ATG4A: variants seen among roughly 807,000 people sequenced by gnomAD.
ATG4A encodes the protein cysteine protease ATG4A.
In ATG4A, 22 loss-of-function variants were observed where a neutral mutation model predicts 38.4. The observed-to-expected ratio is 0.57, with a 90% confidence interval of 0.41 to 0.82. ATG4A has a LOEUF of 0.82. ATG4A is among the 40% of genes least tolerant of loss of function. The pLI is 0.00. For synonymous variants in ATG4A, 86 were observed against 100.7 expected, an observed-to-expected ratio of 0.85 and a Z score of 0.88; for missense variants, 220 against 290.0, an observed-to-expected ratio of 0.76 and a Z score of 1.75.
intron 1 of ATG4A, among the ~76,000 whole-genome samples, chrX:108,115,926 G>A (rs1324920791): frequency 8.9e-6 from 1 of 112,314 alleles, no homozygotes; most frequent in Non-Finnish European, 1.9e-5. Context: ...CATATTCCCT[G>A]TCAGACATTA....
rs745864237 is a variant in ATG4A, at chrX:108,137,816, G to A, written c.560G>A (p.Arg187His). Reference sequence around the variant, plus strand: ...CTTCCATTTCTAGAAAAAATGTGCCGTGTCCTTCCCTTGAGTGCTGACACA... The same window carrying A: ...CTTCCATTTCTAGAAAAAATGTGCCATGTCCTTCCCTTGAGTGCTGACACA... ...VVIEDIKKMC[R>H]VLPLSADTAG... The change falls in exon 8 of 13, where the codon CGT (arginine) becomes CAT (histidine). Residue 187 changes from arginine (R) to histidine (H), a missense_variant. Physicochemically the swap from Arg to His is conservative, Grantham distance 29 (BLOSUM62 0). Transcript: ENST00000372232. 145 of 1,158,380 alleles carry A rather than the reference G, an allele frequency of 1.3e-4. No individual in the cohort carries two copies. The highest frequency in any genetic ancestry group is 1.6e-4 in the Non-Finnish European group (136 of 872,862).
Position 108,126,082 on chromosome X carries a change from T to A in ATG4A, c.16T>A (p.Ser6Thr). 1 of 1,173,585 alleles carries A rather than the reference T, an allele frequency of 8.5e-7. No individual in the cohort carries two copies. Among genetic ancestry groups the A allele is most frequent in the Non-Finnish European group, 1.2e-6 (1 of 864,572 alleles). MESVL[S>T]KYEDQITIFT... ...TTTCTTTCCTTTTCTTTCAGTTTTA[T>A]CCAAGTATGAAGATCAGATTACTAT... Residue 6 changes from serine to threonine, a missense_variant, in exon 2 of 13, where the codon TCC becomes ACC. Ser to Thr is a moderately conservative substitution (Grantham distance 58). Around this residue, in one of 3 missense-constraint regions of ATG4A, gnomAD observed 61 missense variants for 83.3 expected, o/e 0.73. Coordinates refer to ENST00000372232, the MANE Select transcript of ATG4A (RefSeq NM_052936.5).
At chrX:108,106,310 C>G (rs763569000) in intron 1 of ATG4A, among the ~76,000 whole-genome samples, 2 of 111,337 alleles carry the variant, frequency 1.8e-5, no homozygotes, top group East Asian at 5.6e-4. Context: ...AACCTTACTT[C>G]CCTTTAAGTC....
intron 1 of ATG4A, among the ~76,000 whole-genome samples, chrX:108,114,989 T>TA (rs917796654): frequency 8.9e-6 from 1 of 111,747 alleles, no homozygotes; most frequent in Non-Finnish European, 1.9e-5. Flanking sequence ...AGCAAGTCTG[T>TA]AAATATAGGT....
intron 2 of ATG4A, among the ~76,000 whole-genome samples, chrX:108,127,294 C>T (rs2032825798): frequency 8.9e-6 from 1 of 111,966 alleles, no homozygotes. Flanking sequence ...ACTTTCCCAG[C>T]GTAAAGCCAC....
intron 9 of ATG4A, among the ~76,000 whole-genome samples, chrX:108,147,364 A>G (rs1334209561): frequency 2.7e-5 from 3 of 111,581 alleles, no homozygotes; most frequent in African/African-American, 9.8e-5. Flanking sequence ...CAGTGTCCCC[A>G]GCTTCATCAG....
chrX:108,101,119 A>G (rs2031998347), intron 1 of ATG4A, among the ~76,000 whole-genome samples: 1 of 110,615 alleles, frequency 9.0e-6, no homozygotes, highest in Non-Finnish European at 1.9e-5. Context: ...TCTAATTTCT[A>G]TTGAGTTGTG....
chrX:108,153,161 G>A, intron 12 of ATG4A, 74 bp downstream of exon 12: 1 of 767,764 alleles, frequency 1.3e-6, no homozygotes, highest in Admixed American at 2.6e-5. Context: ...GAAGAATTGT[G>A]GCCCATGCTT....
intron 1 of ATG4A, among the ~76,000 whole-genome samples, chrX:108,123,884 CT>C (rs1266548607): frequency 8.9e-6 from 1 of 112,003 alleles, no homozygotes; most frequent in Non-Finnish European, 1.9e-5. Context: ...TTGGCCAGTA[CT>C]AAAAAAAGAC....
intron 10 of ATG4A, among the ~76,000 whole-genome samples, chrX:108,151,031 C>T (rs1431923847): frequency 8.9e-6 from 1 of 112,333 alleles, no homozygotes; most frequent in Non-Finnish European, 1.9e-5. Context: ...TTACTCTTTC[C>T]CCTGTTTCCT....
intron 9 of ATG4A, among the ~76,000 whole-genome samples, chrX:108,143,210 T>C (rs775095888): frequency 6.1e-4 from 69 of 112,375 alleles, no homozygotes; most frequent in African/African-American, 2.2e-3. Flanking sequence ...AAGGAGGAAA[T>C]GTTCATGACA....
chrX:108,137,413 T>C (rs191610009), intron 7 of ATG4A, among the ~76,000 whole-genome samples: 1 of 112,629 alleles, frequency 8.9e-6, no homozygotes, highest in African/African-American at 3.2e-5. Context: ...ACAAAGTGTG[T>C]ATAATAATTT....
chrX:108,110,231 G>A (rs898655418), intron 1 of ATG4A, among the ~76,000 whole-genome samples: 1 of 106,708 alleles, frequency 9.4e-6, no homozygotes, highest in Non-Finnish European at 1.9e-5. Context: ...TTAGCTGGGC[G>A]TGTTGGTGGG....
intron 1 of ATG4A, among the ~76,000 whole-genome samples, chrX:108,110,465 A>G (rs2032328377): frequency 9.0e-6 from 1 of 111,043 alleles, no homozygotes; most frequent in Non-Finnish European, 1.9e-5. Flanking sequence ...GGAGCATTCA[A>G]TATCCTCCTT....
rs1487978914 is a variant in ATG4A at position 108,143,177 on chromosome X, C to T, written c.814+4986C>T. ...TTTTCTTAGTACAAGTGTATACATG[C>T]ACAAACATATTTTTAACAAAAGAAG... On this transcript the variant is annotated intron_variant, in intron 9 of 12. Transcript: ENST00000372232. Among the ~76,000 whole-genome samples the T allele has an allele frequency of 2.7e-5, 3 of 112,249 alleles. No homozygotes were observed. The East Asian group carries it at 8.4e-4, about 31-fold the overall frequency.
In ATG4A at chrX:108,154,294, G is replaced by A. The variant is rs1253730919; in HGVS notation, c.*582G>A. 6 of 112,641 alleles carry A rather than the reference G, an allele frequency of 5.3e-5. No homozygotes were observed. The highest frequency in any genetic ancestry group is 1.9e-5 in the Non-Finnish European group (1 of 53,361). 9.3% of individuals were successfully genotyped at this position (112,641 alleles called of 1,213,427 possible). On this transcript the variant is annotated 3_prime_UTR_variant, in exon 13 of 13. Transcript: ENST00000372232. ...ACACTTCTTGATCTCCCTTCTGTTT[G>A]CGGGGATCTTACTATTTGATGGGTC... is the stretch of plus-strand genomic sequence containing the variant.
At chrX:108,091,722 A>G, upstream of ATG4A, 3 of 1,095,645 alleles carry the variant, frequency 2.7e-6, no homozygotes, top group South Asian at 1.9e-5. Flanking sequence ...CTGCCCTCAC[A>G]GACTTGGCCC....
At chrX:108,091,372 G>A (rs749270741), upstream of ATG4A, 23 of 1,177,255 alleles carry the variant, frequency 2.0e-5, no homozygotes, top group Non-Finnish European at 2.7e-5. Context: ...CTTCGCCGAC[G>A]TCGCCGACTG....
rs73535858 is a variant in ATG4A, at chrX:108,126,881, T to A, written c.121+694T>A. The A allele has an allele frequency of 5.7e-5, 37 of 653,677 alleles. No homozygotes were observed. The African/African-American group carries it at 8.2e-4, about 14-fold the overall frequency. The allele number at this position is 653,677 out of a possible 1,213,427, so 53.9% of individuals were successfully genotyped here. ...GCTTGGAAAGAGGCAGCTCTGAGAT[T>A]TGTGTCTTTCTGAGGAGACATCCTC... On this transcript the variant is annotated intron_variant, in intron 2 of 12. Transcript: ENST00000372232.
Sources: allele counts gnomAD v4.1 joint callset (sites outside exome capture counted in the v4.1 genomes callset), GRCh38; gene constraint gnomAD v4.1.1; regional missense constraint gnomAD v4.1.1; transcripts MANE v1.5; gene names NCBI Gene and HGNC (gene_info 2026-07-23, HGNC 2026-07-21).